The following ZFHX3 variants were observed in gnomAD, a reference collection of about 807,000 sequenced individuals.
The protein encoded by ZFHX3 is zinc finger homeobox 3.
A neutral mutation model predicts 279.1 loss-of-function variants in ZFHX3; 42 were observed. The observed-to-expected ratio is 0.15, with a 90% confidence interval of 0.12 to 0.19. ZFHX3 has a LOEUF of 0.19. ZFHX3 is among the 10% of genes least tolerant of loss of function. The probability of loss-of-function intolerance (pLI) is 1.00; values close to 1 mark genes in which losing one functional copy is unlikely to be tolerated. For missense variants in ZFHX3, 4,981 were observed against 4,754.0 expected (o/e 1.05, Z -1.40); for synonymous variants, 2,293 against 1,957.8 (o/e 1.17, Z -4.52).
intron 3 of ZFHX3, among the ~76,000 whole-genome samples, chr16:73,375,641 T>C (rs895024344): frequency 5.9e-5 from 9 of 152,224 alleles, no homozygotes; most frequent in Non-Finnish European, 1.0e-4. Context: ...GTTACAAGTT[T>C]TTATTTAACT....
At chr16:73,003,867 C>A (rs1963596162) in intron 1 of ZFHX3, among the ~76,000 whole-genome samples, 1 of 151,508 alleles carries the variant, frequency 6.6e-6, no homozygotes, top group African/African-American at 2.4e-5. Context: ...CTTAAAGTTT[C>A]TTGACACATA....
intron 5 of ZFHX3, among the ~76,000 whole-genome samples, chr16:73,170,784 G>A (rs1967502402): frequency 6.6e-6 from 1 of 152,154 alleles, no homozygotes; most frequent in Non-Finnish European, 1.5e-5. Flanking sequence ...GGAAGTGTCA[G>A]TCAGAGATTT....
chr16:73,778,123 G>A (rs550962267), intron 1 of ZFHX3, among the ~76,000 whole-genome samples: 6 of 150,082 alleles, frequency 4.0e-5, no homozygotes, highest in Non-Finnish European at 8.9e-5. Context: ...TAGAGCAGAT[G>A]TTGAAAATGA....
intron 7 of ZFHX3, among the ~76,000 whole-genome samples, chr16:72,811,188 T>C (rs763050213): frequency 1.3e-5 from 2 of 152,144 alleles, no homozygotes; most frequent in Non-Finnish European, 2.9e-5. Flanking sequence ...CCTGGCTCCC[T>C]TTTACAACAA....
chr16:73,269,219 C>A (rs1051460796), intron 4 of ZFHX3, among the ~76,000 whole-genome samples: 3 of 152,124 alleles, frequency 2.0e-5, no homozygotes, highest in Non-Finnish European at 4.4e-5. Flanking sequence ...GTGTATGGAT[C>A]TATGAGTTTT....
intron 5 of ZFHX3, among the ~76,000 whole-genome samples, chr16:73,222,588 G>C (rs2012458581): frequency 6.6e-6 from 1 of 152,064 alleles, no homozygotes; most frequent in Non-Finnish European, 1.5e-5. Flanking sequence ...TAAATGGAGA[G>C]ATATTTCATG....
At chr16:73,262,319 C>T (rs181857948) in intron 4 of ZFHX3, among the ~76,000 whole-genome samples, 4 of 152,274 alleles carry the variant, frequency 2.6e-5, no homozygotes, top group Admixed American at 2.6e-4. Context: ...TGTTTTAATG[C>T]ATTTTGTGAT....
At chr16:73,608,991 C>T (rs975746) in intron 2 of ZFHX3, 88,671 of 152,002 alleles carry the variant, frequency 0.58, 27,463 homozygotes, top group East Asian at 0.82. Flanking sequence ...TCAGACTCTA[C>T]ACGTTGCAGC....
chr16:73,334,018 A>C (rs746482057), intron 3 of ZFHX3, among the ~76,000 whole-genome samples: 1 of 152,070 alleles, frequency 6.6e-6, no homozygotes, highest in East Asian at 1.9e-4. Context: ...CCCACTCACG[A>C]AGGAGGGAGA....
intron 3 of ZFHX3, among the ~76,000 whole-genome samples, chr16:73,362,824 T>G (rs1031112906): frequency 6.6e-6 from 1 of 152,218 alleles, no homozygotes; most frequent in Non-Finnish European, 1.5e-5. Context: ...GAAGCTAAAA[T>G]AGCAAACAGA....
At chr16:73,398,940 G>T (rs1044838695) in intron 3 of ZFHX3, among the ~76,000 whole-genome samples, 13 of 151,844 alleles carry the variant, frequency 8.6e-5, no homozygotes, top group Admixed American at 3.9e-4. Context: ...TCTCAGCTCA[G>T]TGCAACCTCT....
intron 2 of ZFHX3, among the ~76,000 whole-genome samples, chr16:73,578,515 A>G (rs1205011150): frequency 6.6e-6 from 1 of 152,220 alleles, no homozygotes; most frequent in African/African-American, 2.4e-5. Flanking sequence ...TGATTCTGAA[A>G]GAGGAGAATA....
At chr16:73,296,764 TG>T (rs2014921075) in intron 4 of ZFHX3, among the ~76,000 whole-genome samples, 1 of 151,926 alleles carries the variant, frequency 6.6e-6, no homozygotes, top group African/African-American at 2.4e-5. Context: ...ACAATGACAA[TG>T]GGAATAAACA....
chr16:72,837,341 TTTTAAACAAA>T (rs1287415142), intron 4 of ZFHX3, among the ~76,000 whole-genome samples: 3 of 152,180 alleles, frequency 2.0e-5, no homozygotes, highest in Non-Finnish European at 4.4e-5. Context: ...TGCTAGCTTG[TTTTAAACAAA>T]ACTGCCTTCT....
At position 73,630,513 on chromosome 16, in the gene ZFHX3, T is replaced by C. The variant is rs145871053; in HGVS notation, c.-1547+49667A>G. On this transcript the variant is annotated intron_variant, in intron 2 of 17. Transcript: ENST00000641206. ...TCAGTACCTTTCAGGGAACAGGGTT[T>C]CACGCAACTCCATACTTAGGAAAGG... Among the ~76,000 whole-genome samples, 234 of 152,342 alleles carry C rather than the reference T, an allele frequency of 1.5e-3. 2 individuals carry two copies. The highest frequency in any genetic ancestry group is 5.2e-3 in the African/African-American group (218 of 41,574).
At chr16:73,326,618 G>C (rs1452330358) in intron 3 of ZFHX3, among the ~76,000 whole-genome samples, 1 of 151,956 alleles carries the variant, frequency 6.6e-6, no homozygotes, top group Non-Finnish European at 1.5e-5. Flanking sequence ...GGGGAGGGAA[G>C]TATAGGGTGT....
chr16:73,517,374 T>C (rs1439233848), intron 2 of ZFHX3, among the ~76,000 whole-genome samples: 1 of 152,224 alleles, frequency 6.6e-6, no homozygotes, highest in Non-Finnish European at 1.5e-5. Flanking sequence ...TTTTTCTCCA[T>C]ATCCATCTAC....
At chr16:73,617,707 C>CCTT (rs57072866) in intron 2 of ZFHX3, among the ~76,000 whole-genome samples, 42,651 of 151,900 alleles carry the variant, frequency 0.28, 7,125 homozygotes, top group African/African-American at 0.47. Flanking sequence ...ACTGAGGAAA[C>CCTT]CTTGATAGGC....
chr16:73,795,446 C>T (rs957011500), intron 1 of ZFHX3, among the ~76,000 whole-genome samples: 2 of 152,086 alleles, frequency 1.3e-5, no homozygotes, highest in African/African-American at 4.8e-5. Context: ...CATTGGTTTT[C>T]GATGAGCCTG....
Sources: gnomAD v4.1 joint callset for allele counts (sites outside exome capture counted in the v4.1 genomes callset) on GRCh38, gnomAD v4.1.1 for gene constraint, MANE v1.5 for transcripts, NCBI Gene and HGNC (gene_info 2026-07-23, HGNC 2026-07-21) for gene names.